ADIPOR2: variants seen among roughly 807,000 people sequenced by gnomAD.
ADIPOR2 encodes adiponectin receptor 2.
A neutral mutation model predicts 40.9 loss-of-function variants in ADIPOR2; 18 were observed. That is an observed-to-expected ratio of 0.44 (90% CI 0.30 to 0.65). The LOEUF is 0.65. Ranked by LOEUF, ADIPOR2 falls within the 30% of genes least tolerant of loss-of-function variation. The probability of loss-of-function intolerance (pLI) is 0.09; values close to 1 mark genes in which losing one functional copy is unlikely to be tolerated. For synonymous variants in ADIPOR2, 165 were observed against 166.4 expected (o/e 0.99, Z 0.06); for missense variants, 283 against 479.2 (o/e 0.59, Z 3.82).
At chr12:1,741,309 T>C (rs1421557992) in intron 1 of ADIPOR2, among the ~76,000 whole-genome samples, 1 of 152,070 alleles carries the variant, frequency 6.6e-6, no homozygotes, top group Non-Finnish European at 1.5e-5. Context: ...ATCAAAGTAT[T>C]GTAGGTCAGA....
chr12:1,786,063 T>A lies in ADIPOR2; in HGVS notation c.1152T>A (p.Asp384Glu). ...FMIGGGCSEE[D>E]AL Reference sequence around the variant, plus strand: ...TCGGCGGGGGCTGCAGTGAAGAGGATGCACTGTGATACCTACCAGTCTCCA... The same window carrying A: ...TCGGCGGGGGCTGCAGTGAAGAGGAAGCACTGTGATACCTACCAGTCTCCA... The change falls in exon 8 of 8, where the codon GAT becomes GAA. Residue 384 changes from aspartate to glutamate, a missense_variant. By Grantham distance (45) the Asp-to-Glu change is conservative. Transcript: ENST00000357103. 6.2e-7 allele frequency: 1 copy of A among 1,613,776 alleles called. No individual in the cohort carries two copies. The highest frequency in any genetic ancestry group is 8.5e-7 in the Non-Finnish European group (1 of 1,179,962).
Position 1,748,393 on chromosome 12 carries a change from T to C in ADIPOR2, c.-86-5865T>C, listed in dbSNP as rs138301043. Among the ~76,000 whole-genome samples, 995 of 152,058 alleles carry C rather than the reference T, an allele frequency of 6.5e-3. 8 individuals are homozygous for C. Among genetic ancestry groups the C allele is most frequent in the African/African-American group, 0.019 (806 of 41,462 alleles). ...CCTCCCGAGTAGCTGGAACTACAGG[T>C]GCCCGCCACCACGCCTGGCTAATTT... is the stretch of plus-strand genomic sequence containing the variant. On this transcript the variant is annotated intron_variant, in intron 1 of 7. Transcript: ENST00000357103.
intron 4 of ADIPOR2, chr12:1,778,415 G>C (rs867440236): frequency 6.4e-6 from 1 of 157,414 alleles, no homozygotes; most frequent in African/African-American, 2.4e-5. Flanking sequence ...GTAGAATATG[G>C]ACTGTAATTT....
chr12:1,769,729 A>G (rs1862457800), intron 2 of ADIPOR2, among the ~76,000 whole-genome samples: 1 of 152,086 alleles, frequency 6.6e-6, no homozygotes, highest in South Asian at 2.1e-4. Flanking sequence ...TGTAGTAGAG[A>G]CAGGGTTTCA....
intron 1 of ADIPOR2, among the ~76,000 whole-genome samples, chr12:1,739,869 G>A (rs1478675434): frequency 6.6e-6 from 1 of 152,230 alleles, no homozygotes; most frequent in Non-Finnish European, 1.5e-5. Context: ...GGGAGGCTGA[G>A]GTGGGTAGAT....
intron 1 of ADIPOR2, among the ~76,000 whole-genome samples, chr12:1,712,856 C>T (rs578017977): frequency 6.6e-6 from 1 of 152,256 alleles, no homozygotes; most frequent in South Asian, 2.1e-4. Context: ...GCCCTGGTTC[C>T]TCTGGCTAAG....
intron 1 of ADIPOR2, among the ~76,000 whole-genome samples, chr12:1,733,841 A>G (rs570509751): frequency 1.0e-4 from 15 of 142,860 alleles, no homozygotes; most frequent in African/African-American, 3.4e-4. Context: ...CCCACCTATG[A>G]GTGAGAACAT....
At chr12:1,711,048 C>T (rs12229999) in intron 1 of ADIPOR2, among the ~76,000 whole-genome samples, 6,821 of 152,036 alleles carry the variant, frequency 0.045, 258 homozygotes, top group East Asian at 0.17. Flanking sequence ...TTCCTGTAAA[C>T]GCCAGGTGGC....
intron 7 of ADIPOR2, among the ~76,000 whole-genome samples, chr12:1,784,403 C>T (rs778226243): frequency 1.3e-5 from 2 of 152,216 alleles, no homozygotes; most frequent in Non-Finnish European, 2.9e-5. Context: ...TTGTCCAAGC[C>T]ATGTGGCTAT....
intron 1 of ADIPOR2, among the ~76,000 whole-genome samples, chr12:1,721,796 T>G (rs1215892326): frequency 6.6e-6 from 1 of 152,080 alleles, no homozygotes; most frequent in African/African-American, 2.4e-5. Flanking sequence ...TGGCAAAGAT[T>G]AGAGGGATGA....
chr12:1,724,753 C>T (rs562073985), intron 1 of ADIPOR2, among the ~76,000 whole-genome samples: 4 of 152,166 alleles, frequency 2.6e-5, no homozygotes, highest in South Asian at 2.1e-4. Context: ...TGCGGTGGCA[C>T]GATCACGGCT....
chr12:1,758,582 G>A (rs1483265203), intron 2 of ADIPOR2, among the ~76,000 whole-genome samples: 1 of 152,070 alleles, frequency 6.6e-6, no homozygotes, highest in Non-Finnish European at 1.5e-5. Flanking sequence ...CCAATTTCAC[G>A]GTTAATGTAT....
chr12:1,697,231 G>A (rs1196292655), intron 1 of ADIPOR2: 2 of 152,206 alleles, frequency 1.3e-5, no homozygotes, highest in African/African-American at 2.4e-5. Flanking sequence ...TAGCTTAAAA[G>A]TTAAACACTG....
At chr12:1,742,294 T>TAAC (rs2094744674) in intron 1 of ADIPOR2, among the ~76,000 whole-genome samples, 1 of 152,238 alleles carries the variant, frequency 6.6e-6, no homozygotes, top group Non-Finnish European at 1.5e-5. Flanking sequence ...AGTCTTGCCG[T>TAAC]GTTGCCCAGG....
chr12:1,739,810 A>T (rs1256383359), intron 1 of ADIPOR2, among the ~76,000 whole-genome samples: 1 of 152,228 alleles, frequency 6.6e-6, no homozygotes, highest in Non-Finnish European at 1.5e-5. Context: ...TATGTTTAAA[A>T]GTTAAATTAG....
At chr12:1,761,613 C>T (rs959336739) in intron 2 of ADIPOR2, among the ~76,000 whole-genome samples, 1 of 152,172 alleles carries the variant, frequency 6.6e-6, no homozygotes, top group Non-Finnish European at 1.5e-5. Context: ...ATGAAGAGAC[C>T]TGCCTAGGTT....
chr12:1,780,942 T>C lies in ADIPOR2; in HGVS notation c.704T>C (p.Leu235Pro), dbSNP rs775795062. 1 of 1,613,832 alleles carries C rather than the reference T, an allele frequency of 6.2e-7. No homozygotes were observed. The highest frequency in any genetic ancestry group is 1.7e-5 in the Admixed American group (1 of 59,928). ...ATTATGGGAAGTTTTGTTCCTTGGC[T>C]TTATTATTCTTTCTACTGTAATCCA... ...LLIMGSFVPWLYYSFYCNPQP... is the reference protein window; with the variant it reads ...LLIMGSFVPWPYYSFYCNPQP... Residue 235 changes from leucine to proline, a missense_variant, in exon 6 of 8, where the codon CTT becomes CCT. Physicochemically the swap from Leu to Pro is moderately conservative, Grantham distance 98 (BLOSUM62 -3). Coordinates refer to ENST00000357103, the MANE Select transcript of ADIPOR2 (RefSeq NM_024551.3).
chr12:1,704,711 A>G (rs2094658552), intron 1 of ADIPOR2, among the ~76,000 whole-genome samples: 1 of 152,226 alleles, frequency 6.6e-6, no homozygotes, highest in South Asian at 2.1e-4. Flanking sequence ...AAAACACTGT[A>G]AATCACTTAG....
chr12:1,765,785 G>A (rs1862365021), intron 2 of ADIPOR2, among the ~76,000 whole-genome samples: 1 of 151,678 alleles, frequency 6.6e-6, no homozygotes, highest in Admixed American at 6.6e-5. Flanking sequence ...TTCTTTATTG[G>A]ACTTGTAACC....
Sources: allele counts gnomAD v4.1 joint callset (sites outside exome capture counted in the v4.1 genomes callset), GRCh38; gene constraint gnomAD v4.1.1; transcripts MANE v1.5; gene names NCBI Gene and HGNC (gene_info 2026-07-23, HGNC 2026-07-21).